The following MEI1 variants were observed in gnomAD, a reference collection of about 807,000 sequenced individuals.
The protein encoded by MEI1 is meiosis inhibitor protein 1.
A neutral mutation model predicts 146.2 loss-of-function variants in MEI1; 103 were observed. That is an observed-to-expected ratio of 0.70 (90% CI 0.60 to 0.83). The LOEUF (loss-of-function observed/expected upper bound fraction) is 0.83, where lower values mean the gene tolerates loss of function less well. Among genes scored for constraint, MEI1 ranks in the 40% least tolerant of loss-of-function variants. The pLI, the probability that MEI1 is intolerant of heterozygous loss-of-function variation, is 0.00. For missense variants in MEI1, 1,529 were observed against 1,533.0 expected (o/e 1.00, Z 0.04); for synonymous variants, 652 against 628.2 (o/e 1.04, Z -0.57).
chr22:41,728,789 A>G (rs1457560633), intron 7 of MEI1, among the ~76,000 whole-genome samples: 1 of 148,020 alleles, frequency 6.8e-6, no homozygotes, highest in Non-Finnish European at 1.5e-5. Context: ...TACGTTGGAG[A>G]AGTTGAGGCT....
At chr22:41,763,129 C>T in intron 18 of MEI1, 45 bp from the exon 19 acceptor site, 2 of 1,603,170 alleles carry the variant, frequency 1.2e-6, no homozygotes, top group South Asian at 1.1e-5. Flanking sequence ...AGCCCAGTGG[C>T]CTGCCAACTC....
chr22:41,769,050 T>C (rs1159024249), intron 19 of MEI1, among the ~76,000 whole-genome samples: 1 of 152,168 alleles, frequency 6.6e-6, no homozygotes, highest in African/African-American at 2.4e-5. Flanking sequence ...CCAATTGTAC[T>C]TTTTTGCAAA....
chr22:41,743,902 G>T (rs553656308), intron 12 of MEI1, among the ~76,000 whole-genome samples: 1 of 152,006 alleles, frequency 6.6e-6, no homozygotes, highest in South Asian at 2.1e-4. Context: ...CCGAGATGGA[G>T]TCTTACTCTG....
chr22:41,760,801 G>A (rs927474140), intron 18 of MEI1, among the ~76,000 whole-genome samples: 129 of 152,316 alleles, frequency 8.5e-4, no homozygotes, highest in African/African-American at 2.9e-3. Context: ...GAACAGAGCA[G>A]GGAGTTTCAC....
intron 18 of MEI1, among the ~76,000 whole-genome samples, chr22:41,762,135 T>A (rs1358916634): frequency 6.6e-6 from 1 of 152,196 alleles, no homozygotes; most frequent in Non-Finnish European, 1.5e-5. Flanking sequence ...TTAATTCTTT[T>A]TGGGTATATT....
chr22:41,736,370 C>G (rs2072368662), intron 11 of MEI1, among the ~76,000 whole-genome samples: 1 of 151,750 alleles, frequency 6.6e-6, no homozygotes, highest in Non-Finnish European at 1.5e-5. Context: ...CCGCCTCAGC[C>G]TCCCGAGTGG....
chr22:41,785,721 G>T (rs974125161), intron 26 of MEI1, among the ~76,000 whole-genome samples: 5 of 150,938 alleles, frequency 3.3e-5, no homozygotes, highest in Non-Finnish European at 7.4e-5. Flanking sequence ...ATGCCACCAT[G>T]CCCGGCTAAT....
At chr22:41,777,904 T>A (rs984410763) in intron 21 of MEI1, among the ~76,000 whole-genome samples, 11 of 151,526 alleles carry the variant, frequency 7.3e-5, no homozygotes, top group African/African-American at 2.7e-4. Context: ...TTCTTTCTCC[T>A]TCATCTTCTT....
intron 18 of MEI1, among the ~76,000 whole-genome samples, chr22:41,762,315 C>A (rs1602000794): frequency 1.3e-5 from 2 of 150,926 alleles, no homozygotes; most frequent in East Asian, 3.9e-4. Context: ...CCTCCCTTCA[C>A]CTCCCTTCCT....
chr22:41,700,353 C>G (rs1003506837), intron 1 of MEI1, among the ~76,000 whole-genome samples: 1 of 152,232 alleles, frequency 6.6e-6, no homozygotes, highest in Non-Finnish European at 1.5e-5. Context: ...TGTTTCGAGA[C>G]GGAGTCTCGC....
intron 26 of MEI1, among the ~76,000 whole-genome samples, chr22:41,786,714 G>T (rs1171262782): frequency 6.6e-6 from 1 of 152,236 alleles, no homozygotes; most frequent in Non-Finnish European, 1.5e-5. Flanking sequence ...GCCAGAGCAT[G>T]TGGTCAACTC....
intron 24 of MEI1, among the ~76,000 whole-genome samples, chr22:41,783,096 C>A (rs765611698): frequency 3.3e-5 from 5 of 152,180 alleles, no homozygotes; most frequent in Admixed American, 3.3e-4. Flanking sequence ...CTTCCCTGTC[C>A]TCTGGCCAGG....
chr22:41,746,222 C>G (rs542092115), intron 14 of MEI1, among the ~76,000 whole-genome samples, 196 bp downstream of exon 14: 1 of 152,118 alleles, frequency 6.6e-6, no homozygotes, highest in African/African-American at 2.4e-5. Flanking sequence ...ACAGGTTCAT[C>G]TTAAGAAAAA....
intron 8 of MEI1, among the ~76,000 whole-genome samples, chr22:41,730,253 A>G (rs1004565093): frequency 7.2e-5 from 11 of 152,120 alleles, no homozygotes; most frequent in African/African-American, 2.7e-4. Context: ...GAATTAGGAG[A>G]CTTAAGTTCC....
chr22:41,759,939 C>T (rs1156881874), intron 18 of MEI1, among the ~76,000 whole-genome samples: 5 of 152,026 alleles, frequency 3.3e-5, no homozygotes, highest in South Asian at 2.1e-4. Flanking sequence ...TTTGGGAGGC[C>T]GAGGCGGGTG....
intron 26 of MEI1, among the ~76,000 whole-genome samples, chr22:41,790,141 G>A (rs928972352): frequency 6.6e-6 from 1 of 152,154 alleles, no homozygotes; most frequent in African/African-American, 2.4e-5. Context: ...GGAGTGCAGT[G>A]GCGTGATCTT....
intron 14 of MEI1, among the ~76,000 whole-genome samples, chr22:41,747,736 C>CCCCAAA (rs1569240908): frequency 7.5e-6 from 1 of 133,226 alleles, no homozygotes. Context: ...CCCACCCCCC[C>CCCCAAA]AAAAAAAACA....
chr22:41,763,380 C>T (rs1018726097), intron 19 of MEI1, 59 bp downstream of exon 19: 1 of 1,570,416 alleles, frequency 6.4e-7, no homozygotes, highest in Non-Finnish European at 8.7e-7. Flanking sequence ...TTAGTGTTCC[C>T]TGGGAGACCA....
intron 3 of MEI1, among the ~76,000 whole-genome samples, chr22:41,705,955 G>C (rs528661681): frequency 1.3e-5 from 2 of 152,132 alleles, no homozygotes; most frequent in East Asian, 3.9e-4. Flanking sequence ...CGATCTGCCT[G>C]CCTCAGCCTC....
Sources: allele counts gnomAD v4.1 joint callset (sites outside exome capture counted in the v4.1 genomes callset), GRCh38; gene constraint gnomAD v4.1.1; transcripts MANE v1.5; gene names NCBI Gene and HGNC (gene_info 2026-07-23, HGNC 2026-07-21).